The following ARHGAP5 variants were observed in gnomAD, a reference collection of about 807,000 sequenced individuals.
ARHGAP5 encodes rho GTPase-activating protein 5.
ARHGAP5 carries 23 observed loss-of-function variants against 116.6 expected under a neutral mutation model. The observed-to-expected ratio is 0.20, with a 90% CI of 0.14 to 0.28. The LOEUF (loss-of-function observed/expected upper bound fraction) is 0.28. Ranked by LOEUF, ARHGAP5 falls within the 10% of genes least tolerant of loss-of-function variation. The pLI, the probability that ARHGAP5 is intolerant of heterozygous loss-of-function variation, is 1.00. For missense variants in ARHGAP5, 1,405 were observed against 1,774.8 expected (o/e 0.79, Z 3.74); for synonymous variants, 574 against 602.0 (o/e 0.95, Z 0.68).
chr14:32,151,915 A>G (rs1881653980), intron 5 of ARHGAP5, among the ~76,000 whole-genome samples: 1 of 152,226 alleles, frequency 6.6e-6, no homozygotes, highest in Admixed American at 6.5e-5. Context: ...AGATAATGTT[A>G]GTTGAAGTGA....
At chr14:32,117,058 C>T in intron 2 of ARHGAP5, 82 bp from the exon 3 acceptor site, 1 of 1,113,100 alleles carries the variant, frequency 9.0e-7, no homozygotes, top group East Asian at 2.8e-5. Flanking sequence ...TTCTTTTGAT[C>T]CGAACCGTGT....
intron 2 of ARHGAP5, among the ~76,000 whole-genome samples, chr14:32,096,346 A>G (rs1247191047): frequency 1.3e-5 from 2 of 152,202 alleles, no homozygotes; most frequent in Admixed American, 6.5e-5. Flanking sequence ...AGATTTAGGC[A>G]TTCAGTTGTA....
chr14:32,100,862 C>T (rs757755295), intron 2 of ARHGAP5, among the ~76,000 whole-genome samples: 8 of 152,118 alleles, frequency 5.3e-5, no homozygotes, highest in Non-Finnish European at 2.9e-5. Flanking sequence ...CTGAGAAAAT[C>T]TGAGTTGTAT....
intron 3 of ARHGAP5, among the ~76,000 whole-genome samples, chr14:32,129,854 A>G (rs1333466434): frequency 1.3e-5 from 2 of 152,166 alleles, no homozygotes; most frequent in African/African-American, 4.8e-5. Context: ...TTTGAACCAG[A>G]ACAGGGGATA....
chr14:32,137,569 G>T (rs1880871505), intron 3 of ARHGAP5, among the ~76,000 whole-genome samples: 1 of 152,010 alleles, frequency 6.6e-6, no homozygotes, highest in Non-Finnish European at 1.5e-5. Context: ...AATTGAATGT[G>T]AATTTGAGGA....
chr14:32,146,762 G>A lies in ARHGAP5; in HGVS notation c.3943+422G>A, dbSNP rs543514583. Among the ~76,000 whole-genome samples the A allele has an allele frequency of 1.4e-4, 22 of 152,250 alleles. No homozygotes were observed. The East Asian group carries it at 4.1e-3, about 28-fold the overall frequency. ...AGAAGAGGATTTGGTAAATAAGAAA[G>A]GAGGTACTGGAAAAGCAGGCATTCA... On this transcript the variant is annotated intron_variant, in intron 4 of 6. Coordinates refer to ENST00000345122, the MANE Select transcript of ARHGAP5 (RefSeq NM_001030055.2).
At chr14:32,100,996 A>G (rs1878765980) in intron 2 of ARHGAP5, among the ~76,000 whole-genome samples, 1 of 152,206 alleles carries the variant, frequency 6.6e-6, no homozygotes, top group Non-Finnish European at 1.5e-5. Context: ...TGATTAAGAT[A>G]AATAGTAAAA....
chr14:32,127,741 C>T (rs71417993), intron 3 of ARHGAP5, among the ~76,000 whole-genome samples: 5 of 151,904 alleles, frequency 3.3e-5, no homozygotes, highest in Admixed American at 6.6e-5. Flanking sequence ...ACTTCCCAGA[C>T]GTGGTGGCCA....
chr14:32,133,545 C>T (rs898621324), intron 3 of ARHGAP5, among the ~76,000 whole-genome samples: 1 of 152,162 alleles, frequency 6.6e-6, no homozygotes, highest in African/African-American at 2.4e-5. Flanking sequence ...AGTTTGACTT[C>T]CTCTTTTTCC....
chr14:32,088,701 G>A (rs1276472637), intron 1 of ARHGAP5, among the ~76,000 whole-genome samples: 1 of 151,974 alleles, frequency 6.6e-6, no homozygotes, highest in Non-Finnish European at 1.5e-5. Flanking sequence ...TTTATTACAT[G>A]TATACACTGC....
At chr14:32,085,164 C>T (rs1296688217) in intron 1 of ARHGAP5, among the ~76,000 whole-genome samples, 1 of 152,086 alleles carries the variant, frequency 6.6e-6, no homozygotes, top group Non-Finnish European at 1.5e-5. Flanking sequence ...TAAGAAAAGG[C>T]AGGCTGGGAG....
chr14:32,080,252 AC>A (rs1246910878), intron 1 of ARHGAP5, among the ~76,000 whole-genome samples: 1 of 151,522 alleles, frequency 6.6e-6, no homozygotes. Context: ...CCAAACCAGG[AC>A]AGCTTCTATT....
Position 32,092,520 on chromosome 14 carries a change from A to G in ARHGAP5, c.1851A>G (p.Gln617=), listed in dbSNP as rs768554334. The change falls in exon 2 of 7, where the codon CAA becomes CAG. Residue 617 remains glutamine (Q), a synonymous_variant. Coordinates refer to ENST00000345122, the MANE Select transcript of ARHGAP5 (RefSeq NM_001030055.2). This position sits in a 1 kb window ranked among gnomAD's most constrained non-coding sequence, Gnocchi z 4.1. ...AQELANEIRT[Q]STDDEYALDG... is the part of the protein sequence containing the mutation. ...AACTAGCAAATGAGATAAGGACACA[A>G]TCCACTGATGATGAGTATGCCTTAG... 1.9e-6 allele frequency: 3 copies of G among 1,614,004 alleles called. No homozygotes were observed. The highest frequency in any genetic ancestry group is 1.7e-5 in the Admixed American group (1 of 60,008).
rs548576743 is a variant in ARHGAP5, at chr14:32,114,964, T to C, written c.3718-2176T>C. Among the ~76,000 whole-genome samples, 7 of 152,332 alleles carry C rather than the reference T, an allele frequency of 4.6e-5. No individual in the cohort carries two copies. The East Asian group carries it at 1.4e-3, about 29-fold the overall frequency. ...AATTTGAAAACCAGTACGACAAATA[T>C]GACAAATATTAATGGATTTGTGATT... is the stretch of plus-strand genomic sequence containing the variant. On this transcript the variant is annotated intron_variant, in intron 2 of 6. Coordinates refer to ENST00000345122, the MANE Select transcript of ARHGAP5 (RefSeq NM_001030055.2).
At position 32,091,046 on chromosome 14, in the gene ARHGAP5, C is replaced by T; in HGVS notation, c.377C>T (p.Ser126Leu). Residue 126 changes from serine (S) to leucine (L), a missense_variant, in exon 2 of 7, where the codon TCA becomes TTA. Physicochemically the swap from Ser to Leu is moderately radical, Grantham distance 145. Around this residue, in one of 6 missense-constraint regions of ARHGAP5, gnomAD observed 190 missense variants for 314.9 expected, o/e 0.60. Coordinates refer to ENST00000345122, the MANE Select transcript of ARHGAP5 (RefSeq NM_001030055.2). ...CGTGCAGCTGCATCTAAATTGCAGT[C>T]AGCAGAAAAACTAATGTACATTTGC... ...IKRAAASKLQ[S>L]AEKLMYICTD... The T allele has an allele frequency of 6.2e-7, 1 of 1,613,568 alleles. No homozygotes were observed. Among genetic ancestry groups the T allele is most frequent in the South Asian group, 1.1e-5 (1 of 91,030 alleles).
chr14:32,137,477 A>G (rs1002914912), intron 3 of ARHGAP5, among the ~76,000 whole-genome samples: 2 of 151,996 alleles, frequency 1.3e-5, no homozygotes, highest in Admixed American at 6.6e-5. Context: ...GTAATTTTGT[A>G]GTAAGTTTTG....
rs1455775703 is a variant in ARHGAP5 at position 32,157,344 on chromosome 14, A to C, written c.*2396A>C. On this transcript the variant is annotated 3_prime_UTR_variant, in exon 7 of 7. Transcript: ENST00000345122. ...TTCTGGTAAGTTACTGGAAGGTTTC[A>C]CTGTTTAGGGACCTATCATATGAGA... is the stretch of plus-strand genomic sequence containing the variant. 7 of 152,250 alleles carry C rather than the reference A, an allele frequency of 4.6e-5. No homozygotes were observed. Among genetic ancestry groups the C allele is most frequent in the Admixed American group, 3.3e-4 (5 of 15,258 alleles). The allele number at this position is 152,250 out of a possible 1,614,324, so 9.4% of individuals were successfully genotyped here.
intron 2 of ARHGAP5, among the ~76,000 whole-genome samples, chr14:32,114,862 A>AT (rs768318082): frequency 1.3e-5 from 2 of 152,230 alleles, no homozygotes; most frequent in Non-Finnish European, 2.9e-5. Flanking sequence ...GTTTTCAGGC[A>AT]TTGAAAGCCC....
intron 4 of ARHGAP5, among the ~76,000 whole-genome samples, chr14:32,146,569 A>G (rs1334137420): frequency 6.6e-6 from 1 of 152,206 alleles, no homozygotes; most frequent in East Asian, 1.9e-4. Context: ...GTCACTGATT[A>G]CTTTTAGAGC....
Sources: gnomAD v4.1 joint callset for allele counts (sites outside exome capture counted in the v4.1 genomes callset) on GRCh38, gnomAD v4.1.1 for gene constraint, gnomAD v4.1.1 regional missense constraint, Gnocchi (gnomAD v3.1) non-coding constraint, MANE v1.5 for transcripts, NCBI Gene and HGNC (gene_info 2026-07-23, HGNC 2026-07-21) for gene names.